Variants in RHOA observed in about 807,000 individuals in gnomAD.
The protein encoded by RHOA is ras homolog family member A, also known as transforming protein RhoA.
A neutral mutation model predicts 17.5 loss-of-function variants in RHOA; 3 were observed. That is an observed-to-expected ratio of 0.17 (90% CI 0.08 to 0.44). The LOEUF (loss-of-function observed/expected upper bound fraction) is 0.44. RHOA is among the 20% of genes least tolerant of loss of function. The probability of loss-of-function intolerance (pLI) is 0.99; values close to 1 mark genes in which losing one functional copy is unlikely to be tolerated. For missense variants in RHOA, 56 were observed against 242.3 expected, an observed-to-expected ratio of 0.23 and a Z score of 5.10; for synonymous variants, 98 against 88.4, an observed-to-expected ratio of 1.11 and a Z score of -0.61.
intron 3 of RHOA, chr3:49,365,082 G>C (rs1208902839): frequency 2.0e-5 from 3 of 151,390 alleles, no homozygotes; most frequent in Non-Finnish European, 4.4e-5. Flanking sequence ...GTTATTTTCT[G>C]ATTTACTTTT....
chr3:49,371,153 T>C (rs2107842868), intron 2 of RHOA, among the ~76,000 whole-genome samples: 1 of 152,262 alleles, frequency 6.6e-6, no homozygotes, highest in African/African-American at 2.4e-5. Flanking sequence ...TGGCGCTTGA[T>C]AAAATGCTTC....
chr3:49,404,418 C>A (rs1225210734), intron 1 of RHOA, among the ~76,000 whole-genome samples: 1 of 14,620 alleles, frequency 6.8e-5, no homozygotes, highest in East Asian at 6.5e-3. Flanking sequence ...CAAAGTAAAA[C>A]CCCGTCTCTA....
intron 1 of RHOA, among the ~76,000 whole-genome samples, chr3:49,380,150 C>T (rs767686768): frequency 2.6e-5 from 4 of 152,148 alleles, no homozygotes; most frequent in Non-Finnish European, 5.9e-5. Flanking sequence ...TATTATCCTC[C>T]TCCTTTCCTG....
chr3:49,360,828 C>A (rs1349297322), intron 4 of RHOA: 1 of 209,390 alleles, frequency 4.8e-6, no homozygotes. Context: ...GTAATCCCAG[C>A]ACTTTGGGAG....
intron 1 of RHOA, among the ~76,000 whole-genome samples, chr3:49,401,705 G>A (rs1013441512): frequency 7.9e-5 from 12 of 152,246 alleles, no homozygotes; most frequent in African/African-American, 2.6e-4. Context: ...GGTATAGGTT[G>A]AGTACTGCTT....
chr3:49,362,723 G>T, intron 3 of RHOA, 97 bp from the exon 4 acceptor site: 2 of 1,021,170 alleles, frequency 2.0e-6, no homozygotes, highest in Admixed American at 2.4e-5. Flanking sequence ...TTTCTTTGTG[G>T]CTTCAGAAAA....
chr3:49,392,228 T>A (rs1176383561), intron 1 of RHOA, among the ~76,000 whole-genome samples: 1 of 152,070 alleles, frequency 6.6e-6, no homozygotes, highest in African/African-American at 2.4e-5. Flanking sequence ...GGCCAGGAGC[T>A]CGAGACCAGC....
At chr3:49,380,719 TA>T (rs989228209) in intron 1 of RHOA, among the ~76,000 whole-genome samples, 1 of 125,124 alleles carries the variant, frequency 8.0e-6, no homozygotes, top group Non-Finnish European at 1.7e-5. Flanking sequence ...ATAATAATAA[TA>T]AATACTCATT....
chr3:49,376,410 G>A (rs1194203251), intron 1 of RHOA, among the ~76,000 whole-genome samples: 5 of 151,280 alleles, frequency 3.3e-5, no homozygotes, highest in African/African-American at 4.9e-5. Context: ...TTGGGAGGCC[G>A]AGGCGGGTGG....
At chr3:49,403,675 T>C (rs2107905110) in intron 1 of RHOA, among the ~76,000 whole-genome samples, 1 of 152,244 alleles carries the variant, frequency 6.6e-6, no homozygotes, top group South Asian at 2.1e-4. Flanking sequence ...TAGTAAGCCA[T>C]GATTCCGACA....
At chr3:49,394,074 G>C (rs921982107) in intron 1 of RHOA, among the ~76,000 whole-genome samples, 1 of 152,008 alleles carries the variant, frequency 6.6e-6, no homozygotes, top group African/African-American at 2.4e-5. Flanking sequence ...GTTTCACCGT[G>C]TTAGCCAGGA....
intron 4 of RHOA, 57 bp from the exon 5 acceptor site, chr3:49,360,439 G>A (rs535420486): frequency 2.7e-6 from 4 of 1,495,428 alleles, no homozygotes; most frequent in Non-Finnish European, 3.6e-6. Context: ...CATATAGTAA[G>A]TAAAAAGTAT....
At chr3:49,408,398 G>C (rs756017840) in intron 1 of RHOA, among the ~76,000 whole-genome samples, 2 of 152,102 alleles carry the variant, frequency 1.3e-5, no homozygotes, top group Non-Finnish European at 2.9e-5. Context: ...TTGCAATTTA[G>C]CAAGAGTATT....
At chr3:49,387,220 G>A (rs1294390913) in intron 1 of RHOA, among the ~76,000 whole-genome samples, 1 of 144,580 alleles carries the variant, frequency 6.9e-6, no homozygotes, top group Non-Finnish European at 1.5e-5. Context: ...CGAGGCGGGC[G>A]GATCATGAGG....
At chr3:49,362,375 G>C in intron 4 of RHOA, 121 bp downstream of exon 4, 1 of 1,018,416 alleles carries the variant, frequency 9.8e-7, no homozygotes, top group East Asian at 2.6e-5. Flanking sequence ...GAGGGCCACA[G>C]AGGGGCTTCT....
At chr3:49,385,896 C>T (rs370004163) in intron 1 of RHOA, among the ~76,000 whole-genome samples, 22 of 152,130 alleles carry the variant, frequency 1.4e-4, no homozygotes, top group Middle Eastern at 3.2e-3. Flanking sequence ...TAATTAGCAA[C>T]TGAGGGTTTA....
intron 1 of RHOA, among the ~76,000 whole-genome samples, chr3:49,411,239 C>T (rs1177019059): frequency 6.6e-6 from 1 of 152,000 alleles, no homozygotes; most frequent in Non-Finnish European, 1.5e-5. Flanking sequence ...GTGGTATGGC[C>T]GTAGATCATA....
At chr3:49,404,022 G>T (rs2107905777) in intron 1 of RHOA, among the ~76,000 whole-genome samples, 1 of 144,670 alleles carries the variant, frequency 6.9e-6, no homozygotes, top group South Asian at 2.1e-4. Context: ...GAAGATAGCT[G>T]GACTCAGTGG....
At chr3:49,378,484 T>C (rs1364640212) in intron 1 of RHOA, among the ~76,000 whole-genome samples, 2 of 151,788 alleles carry the variant, frequency 1.3e-5, no homozygotes, top group Non-Finnish European at 2.9e-5. Context: ...TGAGCTCAAG[T>C]GATCTACTCG....
Sources: gnomAD v4.1 joint callset for allele counts (sites outside exome capture counted in the v4.1 genomes callset) on GRCh38, gnomAD v4.1.1 for gene constraint, MANE v1.5 for transcripts, NCBI Gene and HGNC (gene_info 2026-07-23, HGNC 2026-07-21) for gene names.